The following SH3GLB2 variants were observed in gnomAD, a reference collection of about 807,000 sequenced individuals.
SH3GLB2 encodes SH3 domain containing GRB2 like, endophilin B2, also known as endophilin-B2.
A neutral mutation model predicts 48.0 loss-of-function variants in SH3GLB2; 24 were observed. The ratio of observed to expected loss-of-function variants is 0.50; its 90% CI spans 0.36 to 0.70. The LOEUF (loss-of-function observed/expected upper bound fraction) is 0.70. Ranked by LOEUF, SH3GLB2 falls within the 30% of genes least tolerant of loss-of-function variation. The pLI, the probability that SH3GLB2 is intolerant of heterozygous loss-of-function variation, is 0.00. For missense variants in SH3GLB2, 425 were observed against 516.0 expected (o/e 0.82, Z 1.71); for synonymous variants, 227 against 207.6 (o/e 1.09, Z -0.80).
rs1205681988 is a variant in SH3GLB2, at chr9:129,014,411, C to T, written c.561G>A (p.Thr187=). The change falls in exon 5 of 11, where the codon ACG becomes ACA. Residue 187 remains threonine (T), a splice_region_variant and synonymous_variant. Coordinates refer to ENST00000372564, the MANE Select transcript of SH3GLB2 (RefSeq NM_020145.4). The surrounding 1 kb of genome is among the most constrained non-coding windows in gnomAD (Gnocchi z 4.1). ...KKAKAAEAKA[T]TVPDFQETRP... The stretch of plus-strand genomic sequence containing the variant: ...GCCAGCGGGGAGCGGGGACACCTAC[C>T]GTGGCTTTGGCTTCTGCAGCCTTGG... 8 of 1,549,890 alleles carry T rather than the reference C, an allele frequency of 5.2e-6. No homozygotes were observed. The highest frequency in any genetic ancestry group is 3.6e-5 in the South Asian group (3 of 83,984).
Position 129,008,481 on chromosome 9 carries a change from C to T in SH3GLB2, c.*203G>A. On this transcript the variant is annotated 3_prime_UTR_variant, in exon 11 of 11. Coordinates refer to ENST00000372564, the MANE Select transcript of SH3GLB2 (RefSeq NM_020145.4). Reference sequence around the variant, plus strand: ...CAGGCAGGGGCAGGGGCTCCAGAGCCACAGGTCAGAAGCAGGGCTGGGGGA... The same window carrying T: ...CAGGCAGGGGCAGGGGCTCCAGAGCTACAGGTCAGAAGCAGGGCTGGGGGA... The T allele has an allele frequency of 1.9e-6, 1 of 536,560 alleles. No individual in the cohort carries two copies. Among genetic ancestry groups the T allele is most frequent in the Non-Finnish European group, 3.4e-6 (1 of 294,564 alleles). 33.2% of individuals were successfully genotyped at this position (536,560 alleles called of 1,614,324 possible). A position where few individuals can be genotyped will look rare whatever the true frequency, so the allele number is the denominator to read the frequency against.
At position 129,014,516 on chromosome 9, in the gene SH3GLB2, G is replaced by T; in HGVS notation, c.469-13C>A. 1.3e-6 allele frequency: 2 copies of T among 1,551,522 alleles called. No homozygotes were observed. Among genetic ancestry groups the T allele is most frequent in the Non-Finnish European group, 1.7e-6 (2 of 1,146,772 alleles). Reference sequence around the variant, plus strand: ...GCCGCCTCTCCTTCTACAGGGCAGGGCATGGGGACAGTGAGACCCTGGGCT... The same window carrying T: ...GCCGCCTCTCCTTCTACAGGGCAGGTCATGGGGACAGTGAGACCCTGGGCT... On this transcript the variant is annotated splice_polypyrimidine_tract_variant and intron_variant, in intron 4 of 10. Coordinates refer to ENST00000372564, the MANE Select transcript of SH3GLB2 (RefSeq NM_020145.4). This position sits in a 1 kb window ranked among gnomAD's most constrained non-coding sequence, Gnocchi z 4.1.
intron 3 of SH3GLB2, chr9:129,015,723 G>T: frequency 5.5e-6 from 1 of 181,598 alleles, no homozygotes; most frequent in South Asian, 8.6e-5. Context: ...TAAGAGGCTG[G>T]GCGCGCTGGC....
chr9:129,014,569 G>A lies in SH3GLB2; in HGVS notation c.469-66C>T. 1 of 1,511,146 alleles carries A rather than the reference G, an allele frequency of 6.6e-7. No homozygotes were observed. Among genetic ancestry groups the A allele is most frequent in the Non-Finnish European group, 9.0e-7 (1 of 1,110,510 alleles). 93.6% of individuals were successfully genotyped at this position (1,511,146 alleles called of 1,614,324 possible). On this transcript the variant is annotated intron_variant, in intron 4 of 10. Coordinates refer to ENST00000372564, the MANE Select transcript of SH3GLB2 (RefSeq NM_020145.4). The surrounding 1 kb of genome is among the most constrained non-coding windows in gnomAD (Gnocchi z 4.1). Reference sequence around the variant, plus strand: ...CCTGGGAGACCCTGAGCCATGCATGGCAAGATTGGTGCCGGGGACGATCAA... The same window carrying A: ...CCTGGGAGACCCTGAGCCATGCATGACAAGATTGGTGCCGGGGACGATCAA...
chr9:129,017,803 C>A (rs1843521997), intron 3 of SH3GLB2, among the ~76,000 whole-genome samples: 1 of 149,492 alleles, frequency 6.7e-6, no homozygotes, highest in African/African-American at 2.5e-5. Context: ...GAGGCTGAGG[C>A]AGGAGAATGG....
chr9:129,023,187 G>C (rs1056926732), intron 1 of SH3GLB2, among the ~76,000 whole-genome samples: 2 of 152,178 alleles, frequency 1.3e-5, no homozygotes, highest in Admixed American at 6.5e-5. Context: ...TGCAGGGAGG[G>C]AGGATGGCCA....
At position 129,008,605 on chromosome 9, in the gene SH3GLB2, CAACA is replaced by C; in HGVS notation, c.*75_*78del. Reference sequence around the variant, plus strand: ...TCCCCACTCTGAACAACTGTGTCACCAACAAACAAGTTAAGTGGCAGGGCTGCGC... The same window carrying C: ...TCCCCACTCTGAACAACTGTGTCACCAACAAGTTAAGTGGCAGGGCTGCGC... On this transcript the variant is annotated 3_prime_UTR_variant, in exon 11 of 11. Coordinates refer to ENST00000372564, the MANE Select transcript of SH3GLB2 (RefSeq NM_020145.4). The C allele has an allele frequency of 9.0e-7, 1 of 1,109,740 alleles. No individual in the cohort carries two copies. Among genetic ancestry groups the C allele is most frequent in the Non-Finnish European group, 1.4e-6 (1 of 737,812 alleles). 68.7% of individuals were successfully genotyped at this position (1,109,740 alleles called of 1,614,324 possible).
Position 129,010,567 on chromosome 9 carries a change from G to C in SH3GLB2, c.648+103C>G, listed in dbSNP as rs530708327. 4 of 1,341,820 alleles carry C rather than the reference G, an allele frequency of 3.0e-6. No homozygotes were observed. In the South Asian group the frequency reaches 5.0e-5, roughly 17 times the overall value. 83.1% of individuals were successfully genotyped at this position (1,341,820 alleles called of 1,614,324 possible). On this transcript the variant is annotated intron_variant, in intron 7 of 10. Transcript: ENST00000372564. ...GAAAGCAGTAACCCCTCCCCAGTGG[G>C]TGTGGGGCAGAGTGAGAAACAGATC...
chr9:129,015,862 T>C, intron 3 of SH3GLB2: 1 of 341,852 alleles, frequency 2.9e-6, no homozygotes, highest in South Asian at 2.2e-5. Flanking sequence ...AGCAAGATCC[T>C]GTCTTTAAAA....
chr9:129,027,864 G>T (rs1431556095), intron 1 of SH3GLB2, among the ~76,000 whole-genome samples: 1 of 152,252 alleles, frequency 6.6e-6, no homozygotes, highest in Admixed American at 6.5e-5. Context: ...CCCAAAGGGT[G>T]GGCACCGGTG....
At chr9:129,024,854 C>T (rs1844049453) in intron 1 of SH3GLB2, among the ~76,000 whole-genome samples, 1 of 151,096 alleles carries the variant, frequency 6.6e-6, no homozygotes, top group South Asian at 2.1e-4. Context: ...CCTGTAATCC[C>T]AGCTACTCGG....
At chr9:129,016,653 A>C (rs1367813309) in intron 3 of SH3GLB2, among the ~76,000 whole-genome samples, 3 of 152,084 alleles carry the variant, frequency 2.0e-5, no homozygotes, top group Non-Finnish European at 2.9e-5. Context: ...AAAAAAAAAA[A>C]ATCCAAAGAT....
chr9:129,014,812 G>T lies in SH3GLB2; in HGVS notation c.427C>A (p.Pro143Thr). 1 of 1,613,934 alleles carries T rather than the reference G, an allele frequency of 6.2e-7. No homozygotes were observed. Among genetic ancestry groups the T allele is most frequent in the East Asian group, 2.2e-5 (1 of 44,856 alleles). Residue 143 changes from proline (P) to threonine (T), a missense_variant, in exon 4 of 11, where the codon CCC (proline) becomes ACC (threonine). Coordinates refer to ENST00000372564, the MANE Select transcript of SH3GLB2 (RefSeq NM_020145.4). The surrounding 1 kb of genome is among the most constrained non-coding windows in gnomAD (Gnocchi z 4.1). ...TCCCCCTCCAGGAAGTTGCGCAAGG[G>T]TGTGAGGAAGCTGATGGAGGCCGTG... is the stretch of plus-strand genomic sequence containing the variant. Reference protein sequence around the residue: ...IHTASISFLTPLRNFLEGDWK... With the variant: ...IHTASISFLTTLRNFLEGDWK...
intron 5 of SH3GLB2, chr9:129,012,880 G>C: frequency 1.6e-6 from 2 of 1,218,340 alleles, no homozygotes; most frequent in South Asian, 1.3e-5. Flanking sequence ...CTGCACAGTA[G>C]AGGCTCTGGC....
chr9:129,021,175 C>A lies in SH3GLB2; in HGVS notation c.250G>T (p.Val84Phe). The A allele has an allele frequency of 6.2e-7, 1 of 1,611,868 alleles. No homozygotes were observed. The highest frequency in any genetic ancestry group is 1.3e-5 in the African/African-American group (1 of 74,940). The change falls in exon 3 of 11, where the codon GTC (valine) becomes TTC (phenylalanine). Residue 84 changes from valine to phenylalanine, a missense_variant. Physicochemically the swap from Val to Phe is conservative, Grantham distance 50 (BLOSUM62 -1). Transcript: ENST00000372564. ...TCCCCGTTGGTGACCCTTGAGGGGACCTTCCTGTCCAGCTTCTCATACAGG... is the reference window on the plus strand; with the variant it reads ...TCCCCGTTGGTGACCCTTGAGGGGAACTTCCTGTCCAGCTTCTCATACAGG... ...EFLYEKLDRK[V>F]PSRVTNGELL...
At chr9:129,010,067 C>T (rs1418939493) in intron 8 of SH3GLB2, 53 bp downstream of exon 8, 16 of 1,563,344 alleles carry the variant, frequency 1.0e-5, no homozygotes, top group Non-Finnish European at 1.4e-5. Flanking sequence ...GGTTCAGGCA[C>T]ACCTGGTGCC....
intron 3 of SH3GLB2, among the ~76,000 whole-genome samples, chr9:129,016,015 C>T (rs1482893662): frequency 6.6e-6 from 1 of 151,978 alleles, no homozygotes; most frequent in African/African-American, 2.4e-5. Context: ...ATTGTTCATC[C>T]AGGAATTCTA....
intron 5 of SH3GLB2, chr9:129,012,878 T>G: frequency 8.4e-7 from 1 of 1,197,040 alleles, no homozygotes; most frequent in East Asian, 2.6e-5. Context: ...CCCTGCACAG[T>G]AGAGGCTCTG....
chr9:129,024,098 T>C (rs1356112938), intron 1 of SH3GLB2, among the ~76,000 whole-genome samples: 1 of 152,040 alleles, frequency 6.6e-6, no homozygotes, highest in Non-Finnish European at 1.5e-5. Context: ...GGCTGATACA[T>C]GTTAGCTAGT....
Sources: gnomAD v4.1 joint callset for allele counts (sites outside exome capture counted in the v4.1 genomes callset) on GRCh38, gnomAD v4.1.1 for gene constraint, Gnocchi (gnomAD v3.1) non-coding constraint, MANE v1.5 for transcripts, NCBI Gene and HGNC (gene_info 2026-07-23, HGNC 2026-07-21) for gene names.